Variants in CTNNA2 observed in about 807,000 individuals in gnomAD.
CTNNA2 encodes catenin alpha-2.
Under a neutral mutation model 101.0 loss-of-function variants are expected in CTNNA2, and 42 were observed. That is an observed-to-expected ratio of 0.42 (90% CI 0.32 to 0.54). The LOEUF (loss-of-function observed/expected upper bound fraction) is 0.54. Ranked by LOEUF, CTNNA2 falls within the 20% of genes least tolerant of loss-of-function variation. CTNNA2 has a pLI of 0.14. For synonymous variants in CTNNA2, 450 were observed against 456.4 expected (o/e 0.99, Z 0.18); for missense variants, 871 against 1,223.1 (o/e 0.71, Z 4.29).
chr2:79,268,601 G>A (rs574752194), intron 2 of CTNNA2, among the ~76,000 whole-genome samples: 17 of 152,214 alleles, frequency 1.1e-4, no homozygotes, highest in African/African-American at 4.1e-4. Context: ...TGTGATTGGC[G>A]TCTGAAGCCA....
At chr2:79,625,485 T>G (rs79921589) in intron 1 of CTNNA2, among the ~76,000 whole-genome samples, 8,646 of 152,280 alleles carry the variant, frequency 0.057, 768 homozygotes, top group African/African-American at 0.19. Flanking sequence ...AAATAGATAC[T>G]ATGAAACTTT....
At chr2:80,498,154 C>T (rs1333445199) in intron 9 of CTNNA2, among the ~76,000 whole-genome samples, 1 of 152,174 alleles carries the variant, frequency 6.6e-6, no homozygotes, top group Non-Finnish European at 1.5e-5. Flanking sequence ...CCACTCTGTG[C>T]ACAACCACAC....
At chr2:79,680,994 A>G (rs1345604609) in intron 2 of CTNNA2, among the ~76,000 whole-genome samples, 1 of 152,142 alleles carries the variant, frequency 6.6e-6, no homozygotes, top group African/African-American at 2.4e-5. Flanking sequence ...GTTTAAAAAA[A>G]GAAAAAGCAA....
At chr2:79,335,081 C>T (rs780735977) in intron 3 of CTNNA2, among the ~76,000 whole-genome samples, 4 of 152,138 alleles carry the variant, frequency 2.6e-5, no homozygotes, top group Non-Finnish European at 4.4e-5. Flanking sequence ...GTTTAGTTAA[C>T]TTCACTCTAA....
At chr2:79,523,142 A>G (rs971752168) in intron 1 of CTNNA2, 4 of 349,410 alleles carry the variant, frequency 1.1e-5, no homozygotes, top group African/African-American at 2.1e-5. Context: ...CTTCCTCTAC[A>G]TTAGTTTTTG....
At chr2:79,597,937 C>A (rs1021819722) in intron 1 of CTNNA2, among the ~76,000 whole-genome samples, 1 of 152,200 alleles carries the variant, frequency 6.6e-6, no homozygotes. Flanking sequence ...ATCCTTTGTG[C>A]TCCACCTGTT....
intron 3 of CTNNA2, among the ~76,000 whole-genome samples, chr2:79,345,817 C>T (rs1416121282): frequency 1.3e-5 from 2 of 151,632 alleles, no homozygotes; most frequent in African/African-American, 2.4e-5. Flanking sequence ...CTCAGCCTCC[C>T]GCATAGCTGG....
intron 7 of CTNNA2, among the ~76,000 whole-genome samples, chr2:80,168,634 A>T (rs796600821): frequency 6.6e-6 from 1 of 152,134 alleles, no homozygotes; most frequent in East Asian, 1.9e-4. Context: ...CCATTCTTTT[A>T]TGTAATTAAT....
intron 4 of CTNNA2, among the ~76,000 whole-genome samples, chr2:79,433,881 G>A (rs182370261): frequency 6.4e-4 from 97 of 152,290 alleles, no homozygotes; most frequent in Admixed American, 1.6e-3. Flanking sequence ...CACATAGTAG[G>A]TGATCATGAA....
At chr2:79,482,497 T>A (rs1250885505) in intron 4 of CTNNA2, among the ~76,000 whole-genome samples, 1 of 152,186 alleles carries the variant, frequency 6.6e-6, no homozygotes, top group Non-Finnish European at 1.5e-5. Flanking sequence ...GCGCAGCTAT[T>A]CTGGTAGTGA....
chr2:80,484,003 A>T (rs966472517), intron 9 of CTNNA2, among the ~76,000 whole-genome samples: 19 of 152,152 alleles, frequency 1.2e-4, no homozygotes, highest in African/African-American at 4.3e-4. Flanking sequence ...AATACAAATT[A>T]TTATGAGATG....
chr2:80,061,292 T>G (rs1306917040), intron 7 of CTNNA2, among the ~76,000 whole-genome samples: 2 of 152,194 alleles, frequency 1.3e-5, no homozygotes, highest in African/African-American at 4.8e-5. Context: ...TTCCTGATTA[T>G]ATAAGAATAT....
chr2:80,545,982 G>C lies in CTNNA2; in HGVS notation c.1459G>C (p.Asp487His). ...VAQDNMDVFK[D>H]QWEKQVRVLT... ...TCAGGATAACATGGACGTCTTCAAA[G>C]ACCAGTGGGAGAAGCAGGTCCGAGT... Residue 487 changes from aspartate (D) to histidine (H), a missense_variant, in exon 11 of 19, where the codon GAC (aspartate) becomes CAC (histidine). By Grantham distance (81) the Asp-to-His change is moderately conservative. Around this residue, in one of 5 missense-constraint regions of CTNNA2, gnomAD observed 647 missense variants for 831.5 expected, o/e 0.78. Coordinates refer to ENST00000402739, the MANE Select transcript of CTNNA2 (RefSeq NM_001282597.3). 1 of 1,614,116 alleles carries C rather than the reference G, an allele frequency of 6.2e-7. No homozygotes were observed. Among genetic ancestry groups the C allele is most frequent in the Non-Finnish European group, 8.5e-7 (1 of 1,180,010 alleles).
intron 7 of CTNNA2, among the ~76,000 whole-genome samples, chr2:80,306,400 TTTTCTTTCTTTC>T (rs58501778): frequency 0.018 from 1,914 of 109,182 alleles, 14 homozygotes; most frequent in African/African-American, 0.023. Flanking sequence ...TTTTCTTTTC[TTTTCTTTCTTTC>T]TTTCTTTCTT....
In CTNNA2 at chr2:80,173,119, TC is replaced by T. The variant is rs568297493; in HGVS notation, c.1057-220091del. 6.6e-5 allele frequency among the ~76,000 whole-genome samples: 10 copies of T among 152,278 alleles called. No individual in the cohort carries two copies. The East Asian group carries it at 1.9e-3, about 29-fold the overall frequency. ...TTGAGAAGCCATGCCTTAACATTCT[TC>T]AAAAAATAATGTGCCACCAACACAC... On this transcript the variant is annotated intron_variant, in intron 7 of 18. Coordinates refer to ENST00000402739, the MANE Select transcript of CTNNA2 (RefSeq NM_001282597.3).
intron 9 of CTNNA2, among the ~76,000 whole-genome samples, chr2:80,507,556 T>A (rs964292794): frequency 6.6e-5 from 10 of 152,226 alleles, no homozygotes; most frequent in Admixed American, 5.9e-4. Flanking sequence ...GTAAAAGTGC[T>A]AATTTTTTCT....
intron 1 of CTNNA2, among the ~76,000 whole-genome samples, chr2:79,586,075 A>G (rs1324425812): frequency 6.6e-6 from 1 of 152,096 alleles, no homozygotes; most frequent in Non-Finnish European, 1.5e-5. Flanking sequence ...AAACCGACCC[A>G]TGGAGGGAAA....
At chr2:79,341,719 A>G (rs1054709621) in intron 3 of CTNNA2, among the ~76,000 whole-genome samples, 4 of 152,204 alleles carry the variant, frequency 2.6e-5, no homozygotes, top group African/African-American at 9.7e-5. Context: ...CCATTAAAAA[A>G]TATTTTTGTT....
intron 4 of CTNNA2, among the ~76,000 whole-genome samples, chr2:79,445,085 C>A (rs1012483016): frequency 1.3e-5 from 2 of 152,126 alleles, no homozygotes; most frequent in Admixed American, 1.3e-4. Context: ...GCTAGACAGG[C>A]AGGGTTGAGA....
Sources: allele counts gnomAD v4.1 joint callset (sites outside exome capture counted in the v4.1 genomes callset), GRCh38; gene constraint gnomAD v4.1.1; regional missense constraint gnomAD v4.1.1; transcripts MANE v1.5; gene names NCBI Gene and HGNC (gene_info 2026-07-23, HGNC 2026-07-21).